GAB2: variants seen among roughly 807,000 people sequenced by gnomAD.
GAB2 encodes GRB2-associated-binding protein 2.
Under a neutral mutation model 65.5 loss-of-function variants are expected in GAB2, and 26 were observed. The observed-to-expected ratio is 0.40, with a 90% confidence interval of 0.29 to 0.55. The LOEUF is 0.55. Ranked by LOEUF, GAB2 falls within the 20% of genes least tolerant of loss-of-function variation. GAB2 has a pLI of 0.53. For missense variants in GAB2, 884 were observed against 875.8 expected (o/e 1.01, Z -0.12); for synonymous variants, 321 against 329.6 (o/e 0.97, Z 0.28).
At chr11:78,303,981 G>C (rs1295364781) in intron 1 of GAB2, among the ~76,000 whole-genome samples, 1 of 152,088 alleles carries the variant, frequency 6.6e-6, no homozygotes, top group Admixed American at 6.6e-5. Flanking sequence ...GTGAAAATCA[G>C]GGCAAAGTTG....
At chr11:78,342,754 T>C (rs1856120366) in intron 1 of GAB2, among the ~76,000 whole-genome samples, 1 of 152,146 alleles carries the variant, frequency 6.6e-6, no homozygotes, top group Non-Finnish European at 1.5e-5. Context: ...GGTAGCTTCT[T>C]TTTTTTGTAA....
chr11:78,413,934 C>G (rs1857160737), intron 1 of GAB2, among the ~76,000 whole-genome samples: 1 of 151,784 alleles, frequency 6.6e-6, no homozygotes, highest in Non-Finnish European at 1.5e-5. Context: ...ACTAAAAATA[C>G]AAAATTAGCC....
chr11:78,220,520 A>C, intron 8 of GAB2, 76 bp from the exon 9 acceptor site: 4 of 1,300,430 alleles, frequency 3.1e-6, no homozygotes, highest in Non-Finnish European at 4.3e-6. Context: ...CACCTCTGGG[A>C]GTAAGAACAC....
chr11:78,231,022 A>G (rs1480677821), intron 3 of GAB2, among the ~76,000 whole-genome samples: 1 of 152,238 alleles, frequency 6.6e-6, no homozygotes, highest in Non-Finnish European at 1.5e-5. Flanking sequence ...CTTATAAAAT[A>G]GGCAAGATAC....
At chr11:78,294,485 C>T (rs576408216) in intron 1 of GAB2, among the ~76,000 whole-genome samples, 46 of 152,310 alleles carry the variant, frequency 3.0e-4, no homozygotes, top group African/African-American at 1.1e-3. Flanking sequence ...CCTGAGGAAT[C>T]GCCACGCTGA....
intron 1 of GAB2, among the ~76,000 whole-genome samples, chr11:78,307,287 T>C (rs1855383328): frequency 6.6e-6 from 1 of 151,990 alleles, no homozygotes; most frequent in Non-Finnish European, 1.5e-5. Flanking sequence ...GAATCAAAAC[T>C]CTCTGGAAAG....
intron 2 of GAB2, among the ~76,000 whole-genome samples, chr11:78,272,317 A>G (rs1294971415): frequency 1.3e-5 from 2 of 152,206 alleles, no homozygotes; most frequent in Admixed American, 1.3e-4. Context: ...AACTTCCTAG[A>G]GACTTGTGAA....
intron 3 of GAB2, among the ~76,000 whole-genome samples, chr11:78,234,108 T>A (rs1477877720): frequency 6.6e-6 from 1 of 152,086 alleles, no homozygotes; most frequent in East Asian, 1.9e-4. Flanking sequence ...AAATACAGGG[T>A]CTTATTCTGT....
intron 1 of GAB2, among the ~76,000 whole-genome samples, chr11:78,366,389 G>A (rs1391439267): frequency 6.6e-6 from 1 of 151,948 alleles, no homozygotes; most frequent in Non-Finnish European, 1.5e-5. Flanking sequence ...AGGCCAGCCT[G>A]GCCAACATGG....
chr11:78,334,816 C>G (rs1377124363), intron 1 of GAB2, among the ~76,000 whole-genome samples: 2 of 152,146 alleles, frequency 1.3e-5, no homozygotes, highest in African/African-American at 4.8e-5. Context: ...TTTTGAGGAG[C>G]CTCCAAACTG....
At chr11:78,320,019 G>A (rs954697797) in intron 1 of GAB2, among the ~76,000 whole-genome samples, 1 of 152,004 alleles carries the variant, frequency 6.6e-6, no homozygotes, top group African/African-American at 2.4e-5. Flanking sequence ...GGGATTACAG[G>A]TACACACCAC....
At chr11:78,325,642 CT>C (rs1168549998) in intron 1 of GAB2, among the ~76,000 whole-genome samples, 2 of 152,200 alleles carry the variant, frequency 1.3e-5, no homozygotes, top group Non-Finnish European at 2.9e-5. Context: ...AGAACTCTAT[CT>C]GTGTTCTGAT....
In GAB2 at chr11:78,247,191, T is replaced by G. The variant is rs533650270; in HGVS notation, c.620+2966A>C. ...AAGTTCATCTCTGTGTAGTCACTTC[T>G]ACAAGTTCTTCTCCTCTTTACAATC... On this transcript the variant is annotated intron_variant, in intron 3 of 9. Transcript: ENST00000361507. Among the ~76,000 whole-genome samples the G allele has an allele frequency of 1.2e-4, 18 of 152,358 alleles. No homozygotes were observed. The South Asian group carries it at 3.7e-3, about 32-fold the overall frequency.
At chr11:78,275,675 C>T (rs1004635281) in intron 2 of GAB2, among the ~76,000 whole-genome samples, 2 of 152,244 alleles carry the variant, frequency 1.3e-5, no homozygotes, top group East Asian at 3.9e-4. Context: ...AATTAGAACA[C>T]TAGACATCTA....
chr11:78,382,308 C>T (rs1416974138), intron 1 of GAB2, among the ~76,000 whole-genome samples: 2 of 152,106 alleles, frequency 1.3e-5, no homozygotes, highest in Non-Finnish European at 2.9e-5. Context: ...GAGAGGCATC[C>T]TGTAGGCACT....
chr11:78,390,569 G>GATAT (rs1390096710), intron 1 of GAB2, among the ~76,000 whole-genome samples: 1 of 152,050 alleles, frequency 6.6e-6, no homozygotes, highest in South Asian at 2.1e-4. Flanking sequence ...AGCATATATA[G>GATAT]ATATATATAA....
At chr11:78,381,686 G>A (rs1856699861) in intron 1 of GAB2, among the ~76,000 whole-genome samples, 1 of 147,764 alleles carries the variant, frequency 6.8e-6, no homozygotes. Flanking sequence ...AAAAAAAAAA[G>A]GTTCCATGTT....
chr11:78,384,217 A>T (rs1003077457), intron 1 of GAB2, among the ~76,000 whole-genome samples: 3 of 152,220 alleles, frequency 2.0e-5, no homozygotes, highest in African/African-American at 4.8e-5. Flanking sequence ...AATGATAATG[A>T]GAGAGCTGAA....
At chr11:78,408,964 A>T (rs1857090253) in intron 1 of GAB2, among the ~76,000 whole-genome samples, 1 of 152,216 alleles carries the variant, frequency 6.6e-6, no homozygotes, top group Admixed American at 6.5e-5. Flanking sequence ...AGTCTCAGGT[A>T]GTTCTTTACA....
Sources: gnomAD v4.1 joint callset for allele counts (sites outside exome capture counted in the v4.1 genomes callset) on GRCh38, gnomAD v4.1.1 for gene constraint, MANE v1.5 for transcripts, NCBI Gene and HGNC (gene_info 2026-07-23, HGNC 2026-07-21) for gene names.